The following NUDT21 variants were observed in gnomAD, a reference collection of about 807,000 sequenced individuals.
The protein encoded by NUDT21 is cleavage and polyadenylation specificity factor subunit 5.
In NUDT21, 5 loss-of-function variants were observed where a neutral mutation model predicts 29.8. The ratio of observed to expected loss-of-function variants is 0.17; its 90% CI spans 0.09 to 0.35. The LOEUF (loss-of-function observed/expected upper bound fraction) is 0.35. NUDT21 is among the 10% of genes least tolerant of loss of function. NUDT21 has a pLI of 1.00. For missense variants in NUDT21, 76 were observed against 276.0 expected, an observed-to-expected ratio of 0.28 and a Z score of 5.13; for synonymous variants, 113 against 98.5, an observed-to-expected ratio of 1.15 and a Z score of -0.87.
intron 1 of NUDT21, among the ~76,000 whole-genome samples, chr16:56,450,793 C>A (rs1423113321): frequency 6.6e-6 from 1 of 152,198 alleles, no homozygotes; most frequent in Non-Finnish European, 1.5e-5. Flanking sequence ...ATTTTGAAGT[C>A]GGTTACCTCT....
At chr16:56,450,247 G>C (rs1041834376) in intron 1 of NUDT21, among the ~76,000 whole-genome samples, 3 of 152,138 alleles carry the variant, frequency 2.0e-5, no homozygotes, top group African/African-American at 7.2e-5. Context: ...ATTTTAAAAA[G>C]CATTACTGAC....
At chr16:56,451,000 G>GA in intron 1 of NUDT21, 87 bp downstream of exon 1, 1 of 1,148,026 alleles carries the variant, frequency 8.7e-7, no homozygotes, top group Non-Finnish European at 1.3e-6. Context: ...GCAGAGGCGT[G>GA]AAGCGCGCCG....
At chr16:56,450,467 G>A (rs977625403) in intron 1 of NUDT21, among the ~76,000 whole-genome samples, 4 of 152,212 alleles carry the variant, frequency 2.6e-5, no homozygotes, top group Non-Finnish European at 5.9e-5. Flanking sequence ...CCAAGGAGGG[G>A]CCTACTTGTG....
chr16:56,432,795 T>C (rs1962050024), intron 6 of NUDT21, 62 bp from the exon 7 acceptor site: 2 of 1,219,278 alleles, frequency 1.6e-6, no homozygotes, highest in East Asian at 2.4e-5. Context: ...CCATATTAGA[T>C]AAATAAATTT....
At position 56,446,773 on chromosome 16, in the gene NUDT21, G is replaced by A. The variant is rs948318345; in HGVS notation, c.318-84C>T. 8 of 819,736 alleles carry A rather than the reference G, an allele frequency of 9.8e-6. No individual in the cohort carries two copies. In the South Asian group the frequency reaches 1.3e-4, roughly 14 times the overall value. 50.8% of individuals were successfully genotyped at this position (819,736 alleles called of 1,614,324 possible). ...ACACAATAATTGTTATTTCTACCAA[G>A]TCACTAAGAACATATTTCAGCATAA... On this transcript the variant is annotated intron_variant, in intron 2 of 6. Transcript: ENST00000300291.
At position 56,444,103 on chromosome 16, in the gene NUDT21, G is replaced by A. The variant is rs148451760; in HGVS notation, c.381+2523C>T. ...GAGACCAGCCTGGGCAACATAGCAC[G>A]ATCTCATCTCTATAAAAAACTTTTC... On this transcript the variant is annotated intron_variant, in intron 3 of 6. Coordinates refer to ENST00000300291, the MANE Select transcript of NUDT21 (RefSeq NM_007006.3). Among the ~76,000 whole-genome samples, 334 of 152,126 alleles carry A rather than the reference G, an allele frequency of 2.2e-3. 3 individuals carry two copies. The highest frequency in any genetic ancestry group is 7.6e-3 in the African/African-American group (316 of 41,470).
At chr16:56,436,704 T>G (rs1962107715) in intron 4 of NUDT21, among the ~76,000 whole-genome samples, 1 of 152,200 alleles carries the variant, frequency 6.6e-6, no homozygotes, top group Non-Finnish European at 1.5e-5. Flanking sequence ...ATGTTCCTAT[T>G]TTTTTAAGCC....
At chr16:56,435,776 T>TATAC (rs1962096907) in intron 4 of NUDT21, among the ~76,000 whole-genome samples, 1 of 104,866 alleles carries the variant, frequency 9.5e-6, no homozygotes, top group Non-Finnish European at 1.9e-5. Flanking sequence ...TATATATATA[T>TATAC]ATATATATGA....
chr16:56,441,091 A>G (rs1209133327), intron 3 of NUDT21, among the ~76,000 whole-genome samples: 5 of 152,006 alleles, frequency 3.3e-5, no homozygotes, highest in Non-Finnish European at 7.4e-5. Context: ...CTCAGGCTGG[A>G]GCACAGCGAC....
At position 56,432,661 on chromosome 16, in the gene NUDT21, C is replaced by T. The variant is rs139914751; in HGVS notation, c.*51G>A. On this transcript the variant is annotated 3_prime_UTR_variant, in exon 7 of 7. Transcript: ENST00000300291. ...CACATTTATTCTACACTGTATATAG[C>T]TGTGCTCACAGAGACAAGCGGCTTC... 5.6e-3 allele frequency: 8,799 copies of T among 1,576,406 alleles called. 32 individuals are homozygous for T. Among genetic ancestry groups the T allele is most frequent in the Non-Finnish European group, 6.9e-3 (7,902 of 1,152,000 alleles).
At chr16:56,433,438 G>A (rs1408198466) in intron 6 of NUDT21, among the ~76,000 whole-genome samples, 3 of 152,146 alleles carry the variant, frequency 2.0e-5, no homozygotes, top group Non-Finnish European at 2.9e-5. Flanking sequence ...CCAAAACACT[G>A]ACTGCAGAAT....
chr16:56,448,772 C>A (rs745327691), intron 1 of NUDT21, among the ~76,000 whole-genome samples: 101 of 152,210 alleles, frequency 6.6e-4, no homozygotes, highest in Non-Finnish European at 1.1e-3. Flanking sequence ...ATGTTGTAAG[C>A]CCTTAATTAA....
At chr16:56,448,121 A>C in intron 1 of NUDT21, 132 bp from the exon 2 acceptor site, 1 of 706,032 alleles carries the variant, frequency 1.4e-6, no homozygotes, top group Non-Finnish European at 2.3e-6. Context: ...TGTACAGTTA[A>C]CTAAAGTTAA....
intron 3 of NUDT21, among the ~76,000 whole-genome samples, chr16:56,446,035 T>C (rs764707754): frequency 5.9e-5 from 9 of 152,214 alleles, no homozygotes; most frequent in Non-Finnish European, 1.0e-4. Context: ...AATTGAATGT[T>C]AAAGAAGAAA....
intron 4 of NUDT21, among the ~76,000 whole-genome samples, chr16:56,435,436 A>G (rs1266970570): frequency 6.6e-6 from 1 of 151,532 alleles, no homozygotes; most frequent in Non-Finnish European, 1.5e-5. Context: ...TTTTAAAAAT[A>G]TATATATAGG....
chr16:56,446,492 G>T, intron 3 of NUDT21, 134 bp downstream of exon 3: 2 of 558,530 alleles, frequency 3.6e-6, no homozygotes, highest in Non-Finnish European at 6.4e-6. Context: ...AATCAACATT[G>T]TACTAACCTT....
At chr16:56,435,771 A>G (rs1217648850) in intron 4 of NUDT21, among the ~76,000 whole-genome samples, 3 of 101,856 alleles carry the variant, frequency 2.9e-5, no homozygotes, top group Non-Finnish European at 6.0e-5. Context: ...ATATATATAT[A>G]TATATATATA....
In NUDT21 at chr16:56,434,655, C is replaced by G. The variant is rs548402225; in HGVS notation, c.547+99G>C. ...TACATCTTTAGTTTTACAACAAACC[C>G]AAAAGTTCAAGGAACTTTGAGAAAA... On this transcript the variant is annotated intron_variant, in intron 5 of 6. Transcript: ENST00000300291. 4.8e-5 allele frequency: 44 copies of G among 915,290 alleles called. No homozygotes were observed. The African/African-American group carries it at 6.7e-4, about 14-fold the overall frequency. 56.7% of individuals were successfully genotyped at this position (915,290 alleles called of 1,614,324 possible). A position where few individuals can be genotyped will look rare whatever the true frequency, so the allele number is the denominator to read the frequency against.
At chr16:56,435,743 TTATATATATATA>T (rs777245596) in intron 4 of NUDT21, among the ~76,000 whole-genome samples, 436 of 27,056 alleles carry the variant, frequency 0.016, 19 homozygotes, top group East Asian at 0.063. Context: ...AAAAAAAAAA[TTATATATATATA>T]TATATATATA....
Sources: gnomAD v4.1 joint callset for allele counts (sites outside exome capture counted in the v4.1 genomes callset) on GRCh38, gnomAD v4.1.1 for gene constraint, MANE v1.5 for transcripts, NCBI Gene and HGNC (gene_info 2026-07-23, HGNC 2026-07-21) for gene names.